JMJD1C: variants seen among roughly 807,000 people sequenced by gnomAD.
JMJD1C encodes the protein jumonji domain-containing protein 1C.
Under a neutral mutation model 245.3 loss-of-function variants are expected in JMJD1C, and 31 were observed. The ratio of observed to expected loss-of-function variants is 0.13; its 90% confidence interval spans 0.09 to 0.17. The LOEUF is 0.17. Among genes scored for constraint, JMJD1C ranks in the 10% least tolerant of loss-of-function variants. The pLI is 1.00. For missense variants in JMJD1C, 2,691 were observed against 3,000.2 expected (o/e 0.90, Z 2.41); for synonymous variants, 1,057 against 1,017.4 (o/e 1.04, Z -0.74).
At chr10:63,348,873 G>T (rs539044961) in intron 2 of JMJD1C, among the ~76,000 whole-genome samples, 18 of 152,032 alleles carry the variant, frequency 1.2e-4, no homozygotes, top group Non-Finnish European at 2.4e-4. Context: ...GGCCAAGGCG[G>T]GTGGATCACC....
At chr10:63,421,354 A>C (rs1388570054) in intron 1 of JMJD1C, among the ~76,000 whole-genome samples, 1 of 152,222 alleles carries the variant, frequency 6.6e-6, no homozygotes, top group East Asian at 1.9e-4. Flanking sequence ...ATGTAAACTT[A>C]AGATGGCAAA....
At chr10:63,449,476 G>A (rs1951908763) in intron 1 of JMJD1C, among the ~76,000 whole-genome samples, 1 of 151,942 alleles carries the variant, frequency 6.6e-6, no homozygotes, top group South Asian at 2.1e-4. Context: ...GCCTATGAAT[G>A]AAAAAAGCTA....
chr10:63,365,853 G>T (rs1411244293), intron 2 of JMJD1C, among the ~76,000 whole-genome samples: 1 of 152,198 alleles, frequency 6.6e-6, no homozygotes. Flanking sequence ...AAAGAGGTCT[G>T]GCTTCTGCCC....
At chr10:63,190,573 T>C (rs893078182) in intron 17 of JMJD1C, among the ~76,000 whole-genome samples, 2 of 152,230 alleles carry the variant, frequency 1.3e-5, no homozygotes, top group Non-Finnish European at 2.9e-5. Flanking sequence ...ATTTGACTTC[T>C]AATTATTTTA....
chr10:63,176,772 T>C (rs916959049), intron 23 of JMJD1C: 1 of 243,300 alleles, frequency 4.1e-6, no homozygotes, highest in Non-Finnish European at 7.9e-6. Flanking sequence ...GTTTCAAAAG[T>C]ATAGCACATG....
chr10:63,421,247 T>C lies in JMJD1C; in HGVS notation c.169-40765A>G, dbSNP rs149178452. 3.1e-3 allele frequency among the ~76,000 whole-genome samples: 474 copies of C among 152,298 alleles called. 2 individuals carry two copies. Among genetic ancestry groups the C allele is most frequent in the African/African-American group, 0.011 (459 of 41,556 alleles). Reference sequence around the variant, plus strand: ...TACGCGGGAGGCTGAGGCAGGAGAATTGCTTGAATCCGGGAGGCGGAGGTT... The same window carrying C: ...TACGCGGGAGGCTGAGGCAGGAGAACTGCTTGAATCCGGGAGGCGGAGGTT... On this transcript the variant is annotated intron_variant, in intron 1 of 25. Transcript: ENST00000399262.
chr10:63,326,826 C>T (rs1343907160), intron 2 of JMJD1C, among the ~76,000 whole-genome samples: 1 of 152,092 alleles, frequency 6.6e-6, no homozygotes, highest in East Asian at 1.9e-4. Flanking sequence ...TTGCAGTGAG[C>T]CGAGATCGTG....
chr10:63,213,954 A>G lies in JMJD1C; in HGVS notation c.2213T>C (p.Phe738Ser). The change falls in exon 8 of 26, where the codon TTT becomes TCT. Residue 738 changes from phenylalanine (F) to serine (S), a missense_variant. Around this residue, in one of 9 missense-constraint regions of JMJD1C, gnomAD observed 1,562 missense variants for 1,490.7 expected, o/e 1.05. Coordinates refer to ENST00000399262, the MANE Select transcript of JMJD1C (RefSeq NM_032776.3). ...HISPFLSQHP[F>S]PLHSSSHRTC... is the part of the protein sequence containing the mutation. ...TCTATGAGATGAGGAGTGAAGAGGAAAAGGATGCTGGCTTAGGAAAGGTGA... is the reference window on the plus strand; with the variant it reads ...TCTATGAGATGAGGAGTGAAGAGGAGAAGGATGCTGGCTTAGGAAAGGTGA... 1.9e-6 allele frequency: 3 copies of G among 1,614,104 alleles called. No individual in the cohort carries two copies. The highest frequency in any genetic ancestry group is 2.5e-6 in the Non-Finnish European group (3 of 1,179,986).
intron 1 of JMJD1C, among the ~76,000 whole-genome samples, chr10:63,490,827 C>T (rs2133216439): frequency 6.6e-6 from 1 of 152,234 alleles, no homozygotes; most frequent in South Asian, 2.1e-4. Flanking sequence ...TCACCAACTT[C>T]CAATATAAGC....
chr10:63,387,825 C>T (rs1364628116), intron 1 of JMJD1C, among the ~76,000 whole-genome samples: 6 of 151,242 alleles, frequency 4.0e-5, no homozygotes, highest in Non-Finnish European at 8.8e-5. Flanking sequence ...TTAGTAGAGA[C>T]GGGGTTTCAC....
intron 1 of JMJD1C, among the ~76,000 whole-genome samples, chr10:63,487,791 T>C (rs1200179604): frequency 6.6e-6 from 1 of 152,226 alleles, no homozygotes; most frequent in Admixed American, 6.5e-5. Flanking sequence ...CATTACTACA[T>C]TCATCGGGAA....
rs907985812 is a variant in JMJD1C at position 63,207,237 on chromosome 10, C to G, written c.4432G>C (p.Asp1478His). ...TTGTGCTTTTTTAAATGGATAAAAT[C>G]AGTTGTGCCTGAGAACCCAGAACTG... ...QPSSGFSGTT[D>H]FIHLKKHKAA... The change falls in exon 10 of 26, where the codon GAT (aspartate) becomes CAT (histidine). Residue 1478 changes from aspartate to histidine, a missense_variant. This residue lies in a region of JMJD1C where 1,562 missense variants were observed against 1,490.7 expected (regional missense o/e 1.05). Coordinates refer to ENST00000399262, the MANE Select transcript of JMJD1C (RefSeq NM_032776.3). The G allele has an allele frequency of 1.4e-5, 22 of 1,614,020 alleles. No individual in the cohort carries two copies. The highest frequency in any genetic ancestry group is 1.6e-5 in the Non-Finnish European group (19 of 1,180,048).
chr10:63,398,503 T>C (rs1262865791), intron 1 of JMJD1C, among the ~76,000 whole-genome samples: 1 of 152,152 alleles, frequency 6.6e-6, no homozygotes, highest in Non-Finnish European at 1.5e-5. Context: ...GTATTCTTCA[T>C]CAAGAGGCAC....
intron 10 of JMJD1C, among the ~76,000 whole-genome samples, chr10:63,205,942 G>A (rs1846553265): frequency 6.6e-6 from 1 of 152,104 alleles, no homozygotes; most frequent in African/African-American, 2.4e-5. Context: ...TCCTGCCTCA[G>A]CTTCCCAAAG....
At chr10:63,445,150 T>G (rs1340898108) in intron 1 of JMJD1C, among the ~76,000 whole-genome samples, 1 of 152,098 alleles carries the variant, frequency 6.6e-6, no homozygotes, top group African/African-American at 2.4e-5. Context: ...AGCCCAGGAA[T>G]TTGAGATTGC....
intron 3 of JMJD1C, among the ~76,000 whole-genome samples, chr10:63,247,733 A>AG (rs1852425156): frequency 6.6e-6 from 1 of 151,482 alleles, no homozygotes; most frequent in Non-Finnish European, 1.5e-5. Context: ...AAAAAAAAAA[A>AG]AAAAAGAAAC....
At chr10:63,481,588 T>C (rs1953832429) in intron 1 of JMJD1C, among the ~76,000 whole-genome samples, 1 of 152,248 alleles carries the variant, frequency 6.6e-6, no homozygotes, top group Admixed American at 6.5e-5. Flanking sequence ...ATAGATTATC[T>C]AAATGTGGCT....
intron 1 of JMJD1C, among the ~76,000 whole-genome samples, chr10:63,390,155 A>T (rs545443532): frequency 1.9e-4 from 29 of 152,292 alleles, no homozygotes; most frequent in African/African-American, 6.7e-4. Flanking sequence ...AAACAACAAA[A>T]AAGGATACCC....
rs1209446005 is a variant in JMJD1C at position 63,167,227 on chromosome 10, T to TTTGA, written c.*814_*817dup. ...GGGAGTACTCTGGAAAAAGTCAATT[T>TTTGA]TTGATAAAGTCCTTTTAATGGAAAA... is the stretch of plus-strand genomic sequence containing the variant. On this transcript the variant is annotated 3_prime_UTR_variant, in exon 26 of 26. Transcript: ENST00000399262. 2 of 152,588 alleles carry TTTGA rather than the reference T, an allele frequency of 1.3e-5. No homozygotes were observed. Among genetic ancestry groups the TTTGA allele is most frequent in the Admixed American group, 6.5e-5 (1 of 15,272 alleles). 9.5% of individuals were successfully genotyped at this position (152,588 alleles called of 1,614,324 possible).
Sources: allele counts gnomAD v4.1 joint callset (sites outside exome capture counted in the v4.1 genomes callset), GRCh38; gene constraint gnomAD v4.1.1; regional missense constraint gnomAD v4.1.1; transcripts MANE v1.5; gene names NCBI Gene and HGNC (gene_info 2026-07-23, HGNC 2026-07-21).